KCNB2: variants seen among roughly 807,000 people sequenced by gnomAD.
KCNB2 encodes the protein potassium voltage-gated channel subfamily B member 2.
A neutral mutation model predicts 61.5 loss-of-function variants in KCNB2; 15 were observed. That is an observed-to-expected ratio of 0.24 (90% CI 0.16 to 0.38). The LOEUF (loss-of-function observed/expected upper bound fraction) is 0.38. Ranked by LOEUF, KCNB2 falls within the 10% of genes least tolerant of loss-of-function variation. KCNB2 has a pLI of 1.00. For synonymous variants in KCNB2, 457 were observed against 446.0 expected, an observed-to-expected ratio of 1.02 and a Z score of -0.31; for missense variants, 828 against 1,125.2, an observed-to-expected ratio of 0.74 and a Z score of 3.78.
chr8:72,800,215 G>C (rs150384796), intron 2 of KCNB2, among the ~76,000 whole-genome samples: 93 of 152,236 alleles, frequency 6.1e-4, no homozygotes, highest in African/African-American at 2.1e-3. Context: ...ATAGGCTGGA[G>C]AGGATAATTT....
At chr8:72,812,602 A>G (rs1014053502) in intron 2 of KCNB2, among the ~76,000 whole-genome samples, 2 of 152,096 alleles carry the variant, frequency 1.3e-5, no homozygotes, top group African/African-American at 4.8e-5. Flanking sequence ...AAATAGAAAT[A>G]GTTGCTGGAT....
At chr8:72,906,001 T>C (rs1806170816) in intron 2 of KCNB2, among the ~76,000 whole-genome samples, 2 of 152,216 alleles carry the variant, frequency 1.3e-5, no homozygotes, top group Non-Finnish European at 2.9e-5. Flanking sequence ...CTTTCTCCTC[T>C]ATTATCTGAA....
intron 2 of KCNB2, among the ~76,000 whole-genome samples, chr8:72,787,438 G>A (rs1197767815): frequency 6.6e-6 from 1 of 151,770 alleles, no homozygotes; most frequent in Non-Finnish European, 1.5e-5. Flanking sequence ...TTGCTTTTAT[G>A]TAAGCTAAAG....
chr8:72,582,214 C>T (rs1457874099), intron 2 of KCNB2, among the ~76,000 whole-genome samples: 2 of 152,230 alleles, frequency 1.3e-5, no homozygotes, highest in Admixed American at 6.5e-5. Flanking sequence ...CTCAGGAAAG[C>T]TGCCCAGGGC....
intron 2 of KCNB2, among the ~76,000 whole-genome samples, chr8:72,644,707 A>T (rs1806103812): frequency 6.6e-6 from 1 of 152,180 alleles, no homozygotes; most frequent in Non-Finnish European, 1.5e-5. Flanking sequence ...CTTACAATTT[A>T]ATTTTGATTT....
At chr8:72,616,756 C>T (rs887818875) in intron 2 of KCNB2, among the ~76,000 whole-genome samples, 7 of 152,168 alleles carry the variant, frequency 4.6e-5, no homozygotes, top group African/African-American at 1.4e-4. Flanking sequence ...GGTTGTTGCT[C>T]TTTCTAGGAC....
chr8:72,844,092 G>A (rs886130937), intron 2 of KCNB2, among the ~76,000 whole-genome samples: 6 of 152,138 alleles, frequency 3.9e-5, no homozygotes, highest in African/African-American at 1.2e-4. Context: ...TCCTTTCCAC[G>A]TTTAGTGCTT....
At chr8:72,565,863 T>A (rs967478840) in intron 1 of KCNB2, among the ~76,000 whole-genome samples, 1 of 152,200 alleles carries the variant, frequency 6.6e-6, no homozygotes, top group Non-Finnish European at 1.5e-5. Flanking sequence ...ACTCCTACAC[T>A]GTATAAGCAC....
chr8:72,733,632 C>T (rs1242512777), intron 2 of KCNB2, among the ~76,000 whole-genome samples: 1 of 152,120 alleles, frequency 6.6e-6, no homozygotes, highest in Non-Finnish European at 1.5e-5. Flanking sequence ...GAATGGTACC[C>T]GGCACCCTGT....
chr8:72,886,416 A>G lies in KCNB2; in HGVS notation c.580-49519A>G, dbSNP rs148349614. 2.8e-3 allele frequency among the ~76,000 whole-genome samples: 424 copies of G among 152,352 alleles called. 2 individuals are homozygous for G. The highest frequency in any genetic ancestry group is 9.4e-3 in the African/African-American group (391 of 41,588). ...ACACAGAAAAAGGGGAACAAAGAAC[A>G]TGGCATTCTTGTGACAGTCCTCTGG... On this transcript the variant is annotated intron_variant, in intron 2 of 2. Transcript: ENST00000523207.
At chr8:72,680,184 T>C (rs963357745) in intron 2 of KCNB2, among the ~76,000 whole-genome samples, 1 of 152,180 alleles carries the variant, frequency 6.6e-6, no homozygotes, top group Non-Finnish European at 1.5e-5. Flanking sequence ...GGGCCTGTGC[T>C]ACAGGGAATG....
intron 2 of KCNB2, among the ~76,000 whole-genome samples, chr8:72,759,388 A>G (rs998078062): frequency 6.6e-6 from 1 of 152,216 alleles, no homozygotes; most frequent in Non-Finnish European, 1.5e-5. Flanking sequence ...TAATCTGGGA[A>G]GAATCCTGCA....
chr8:72,889,731 TAATA>T (rs1243785421), intron 2 of KCNB2, among the ~76,000 whole-genome samples: 2 of 151,854 alleles, frequency 1.3e-5, no homozygotes, highest in Non-Finnish European at 2.9e-5. Flanking sequence ...TAAAATGGAG[TAATA>T]AATGTAAAAC....
intron 2 of KCNB2, among the ~76,000 whole-genome samples, chr8:72,746,950 C>T (rs1808082920): frequency 6.6e-6 from 1 of 152,172 alleles, no homozygotes; most frequent in South Asian, 2.1e-4. Context: ...TTTCTGATCA[C>T]AATTCCTGAG....
At position 72,567,626 on chromosome 8, in the gene KCNB2, T is replaced by A; in HGVS notation, c.-93-16T>A. 1.4e-6 allele frequency: 1 copy of A among 710,138 alleles called. No individual in the cohort carries two copies. The highest frequency in any genetic ancestry group is 2.3e-6 in the Non-Finnish European group (1 of 425,822). 44.0% of individuals were successfully genotyped at this position (710,138 alleles called of 1,614,324 possible). Reference sequence around the variant, plus strand: ...AGGAAAATGCAAGTAACCAAGTGATTGTTGCTTTCTTCCAGCTTTGTCAGT... The same window carrying A: ...AGGAAAATGCAAGTAACCAAGTGATAGTTGCTTTCTTCCAGCTTTGTCAGT... On this transcript the variant is annotated splice_polypyrimidine_tract_variant and intron_variant, in intron 1 of 2. Coordinates refer to ENST00000523207, the MANE Select transcript of KCNB2 (RefSeq NM_004770.3).
At chr8:72,639,747 G>A (rs1370153265) in intron 2 of KCNB2, among the ~76,000 whole-genome samples, 3 of 151,990 alleles carry the variant, frequency 2.0e-5, no homozygotes, top group South Asian at 2.1e-4. Flanking sequence ...CAGGCCCGCC[G>A]GAGACCAGTG....
intron 2 of KCNB2, among the ~76,000 whole-genome samples, chr8:72,919,662 G>A (rs1806469349): frequency 6.6e-6 from 1 of 152,230 alleles, no homozygotes; most frequent in East Asian, 1.9e-4. Flanking sequence ...GATTGCATTC[G>A]ACCAAGTGAG....
chr8:72,774,669 A>T (rs2128997422), intron 2 of KCNB2, among the ~76,000 whole-genome samples: 1 of 152,238 alleles, frequency 6.6e-6, no homozygotes, highest in East Asian at 1.9e-4. Context: ...AATTATATAT[A>T]CACATATATA....
At chr8:72,689,264 C>T (rs1379021678) in intron 2 of KCNB2, among the ~76,000 whole-genome samples, 2 of 151,980 alleles carry the variant, frequency 1.3e-5, no homozygotes, top group Non-Finnish European at 2.9e-5. Flanking sequence ...AGAGACAGGC[C>T]CTGTCTCCAA....
Sources: allele counts gnomAD v4.1 joint callset (sites outside exome capture counted in the v4.1 genomes callset), GRCh38; gene constraint gnomAD v4.1.1; transcripts MANE v1.5; gene names NCBI Gene and HGNC (gene_info 2026-07-23, HGNC 2026-07-21).